The following NFIB variants were observed in gnomAD, a reference collection of about 807,000 sequenced individuals.
NFIB encodes the protein nuclear factor 1 B-type.
Under a neutral mutation model 61.5 loss-of-function variants are expected in NFIB, and 11 were observed. The ratio of observed to expected loss-of-function variants is 0.18; its 90% CI spans 0.11 to 0.30. NFIB has a LOEUF of 0.30. NFIB is among the 10% of genes least tolerant of loss of function. The pLI is 1.00. For synonymous variants in NFIB, 260 were observed against 216.5 expected, an observed-to-expected ratio of 1.20 and a Z score of -1.76; for missense variants, 471 against 608.9, an observed-to-expected ratio of 0.77 and a Z score of 2.38.
chr9:14,102,731 T>C (rs2035961925), intron 10 of NFIB, among the ~76,000 whole-genome samples: 1 of 152,150 alleles, frequency 6.6e-6, no homozygotes, highest in Admixed American at 6.5e-5. Flanking sequence ...TCTCTATTAA[T>C]TAAAGCATAC....
intron 3 of NFIB, among the ~76,000 whole-genome samples, chr9:14,175,659 G>C (rs778427439): frequency 4.6e-5 from 7 of 152,064 alleles, no homozygotes; most frequent in Non-Finnish European, 7.3e-5. Flanking sequence ...CACACTACAT[G>C]CATAAGTCAA....
chr9:14,233,421 C>CTTTTTTTTTTT, intron 2 of NFIB, among the ~76,000 whole-genome samples: 1 of 109,130 alleles, frequency 9.2e-6, no homozygotes, highest in Non-Finnish European at 1.9e-5. Flanking sequence ...TGCTATTATT[C>CTTTTTTTTTTT]TTTTTTTTTT....
chr9:14,268,047 C>T (rs1161624157), intron 2 of NFIB, among the ~76,000 whole-genome samples: 3 of 150,964 alleles, frequency 2.0e-5, no homozygotes, highest in African/African-American at 7.3e-5. Flanking sequence ...AGACATGAGA[C>T]TCACTTGAAC....
At chr9:14,178,517 GT>G (rs1422127204) in intron 3 of NFIB, among the ~76,000 whole-genome samples, 1 of 152,022 alleles carries the variant, frequency 6.6e-6, no homozygotes, top group Non-Finnish European at 1.5e-5. Flanking sequence ...TTAAACCTGT[GT>G]TTAATTAGAA....
At chr9:14,420,218 G>C in the NFIB span, among the ~76,000 whole-genome samples, 1 of 152,006 alleles carries the variant, frequency 6.6e-6, no homozygotes, top group African/African-American at 2.4e-5. Flanking sequence ...AGGCCGAGAA[G>C]GGCAGATCAC....
intron 2 of NFIB, among the ~76,000 whole-genome samples, chr9:14,294,991 A>C (rs1485783794): frequency 6.6e-6 from 1 of 152,202 alleles, no homozygotes; most frequent in Admixed American, 6.5e-5. Flanking sequence ...TACTGAAGTC[A>C]AACACGGTGA....
chr9:14,261,489 C>A (rs1055651637), intron 2 of NFIB, among the ~76,000 whole-genome samples: 1 of 152,122 alleles, frequency 6.6e-6, no homozygotes, highest in East Asian at 1.9e-4. Flanking sequence ...AAAACATCCC[C>A]TTTGCTCTCT....
At chr9:14,274,203 T>G (rs570061258) in intron 2 of NFIB, among the ~76,000 whole-genome samples, 1 of 147,328 alleles carries the variant, frequency 6.8e-6, no homozygotes, top group African/African-American at 2.5e-5. Flanking sequence ...TGATCTTTTC[T>G]TCTCTCTCAT....
chr9:14,355,040 C>CTG (rs372467110), intron 1 of NFIB, among the ~76,000 whole-genome samples: 4 of 151,294 alleles, frequency 2.6e-5, no homozygotes, highest in South Asian at 2.1e-4. Flanking sequence ...TGGGGAGATG[C>CTG]TGTGTGTGTG....
the NFIB span, among the ~76,000 whole-genome samples, chr9:14,455,455 A>G: frequency 5.3e-5 from 8 of 152,186 alleles, no homozygotes; most frequent in Admixed American, 2.6e-4. Context: ...TGGATGAACA[A>G]GTGGATTTAT....
chr9:14,083,286 G>T lies in NFIB; in HGVS notation c.*5023C>A. 1 of 226,094 alleles carries T rather than the reference G, an allele frequency of 4.4e-6. No homozygotes were observed. The highest frequency in any genetic ancestry group is 8.8e-6 in the Non-Finnish European group (1 of 113,356). The allele number at this position is 226,094 out of a possible 1,614,324, so 14.0% of individuals were successfully genotyped here. A position where few individuals can be genotyped will look rare whatever the true frequency, so the allele number is the denominator to read the frequency against. ...GCAAAGGTCATTGTGCAGGGTCAAA[G>T]GGCAAAATCAGTGGTCCATGTTACC... On this transcript the variant is annotated 3_prime_UTR_variant, in exon 11 of 11. Coordinates refer to ENST00000380953, the MANE Select transcript of NFIB (RefSeq NM_001190737.2).
At chr9:14,218,369 GTTTT>G (rs1353782361) in intron 2 of NFIB, among the ~76,000 whole-genome samples, 3 of 152,100 alleles carry the variant, frequency 2.0e-5, no homozygotes, top group Admixed American at 6.6e-5. Flanking sequence ...TGAACTAAGT[GTTTT>G]CCCTCAAGTA....
intron 3 of NFIB, among the ~76,000 whole-genome samples, chr9:14,165,456 G>A (rs2044679812): frequency 6.6e-6 from 1 of 152,120 alleles, no homozygotes; most frequent in Admixed American, 6.5e-5. Flanking sequence ...ATTATAATCA[G>A]GGTTTATTCC....
chr9:14,392,348 T>C (rs1455920747), intron 1 of NFIB, among the ~76,000 whole-genome samples: 3 of 152,242 alleles, frequency 2.0e-5, no homozygotes, highest in Non-Finnish European at 4.4e-5. Flanking sequence ...AAGATGTTAA[T>C]AATCAGGACA....
At chr9:14,226,096 T>A (rs2052377422) in intron 2 of NFIB, among the ~76,000 whole-genome samples, 1 of 152,198 alleles carries the variant, frequency 6.6e-6, no homozygotes, top group Non-Finnish European at 1.5e-5. Flanking sequence ...AGAGCATTTT[T>A]TTTTTTCTAA....
At chr9:14,295,613 C>A (rs886502971) in intron 2 of NFIB, among the ~76,000 whole-genome samples, 10 of 149,408 alleles carry the variant, frequency 6.7e-5, no homozygotes, top group South Asian at 4.3e-4. Context: ...CCTGGGCTAC[C>A]CAGCCAGACT....
chr9:14,380,591 C>G lies in NFIB; in HGVS notation c.108+17933G>C, dbSNP rs140304224. On this transcript the variant is annotated intron_variant, in intron 1 of 8. Transcript: ENST00000380934. ...AGAGCAAGCTCTTCATTTATGATAA[C>G]AAATTACAGGAAGCAGCTGTCTAAT... Among the ~76,000 whole-genome samples, 28 of 152,200 alleles carry G rather than the reference C, an allele frequency of 1.8e-4. No individual in the cohort carries two copies. The East Asian group carries it at 5.4e-3, about 29-fold the overall frequency.
intron 1 of NFIB, among the ~76,000 whole-genome samples, chr9:14,370,133 G>C (rs891344269): frequency 2.6e-5 from 4 of 152,166 alleles, no homozygotes; most frequent in Admixed American, 2.6e-4. Flanking sequence ...TCTCTGCCTA[G>C]AATAACCTTC....
chr9:14,483,131 G>A, the NFIB span, among the ~76,000 whole-genome samples: 2,089 of 152,174 alleles, frequency 0.014, 24 homozygotes, highest in Non-Finnish European at 0.022. Context: ...TAGGCTGTTC[G>A]AAAAGAAACA....
Sources: gnomAD v4.1 joint callset for allele counts (sites outside exome capture counted in the v4.1 genomes callset) on GRCh38, gnomAD v4.1.1 for gene constraint, MANE v1.5 for transcripts, NCBI Gene and HGNC (gene_info 2026-07-23, HGNC 2026-07-21) for gene names.